Variants in ABCA4 observed in about 807,000 individuals in gnomAD.
ABCA4 encodes ATP binding cassette subfamily A member 4.
In ABCA4, 196 loss-of-function variants were observed where a neutral mutation model predicts 263.7. The ratio of observed to expected loss-of-function variants is 0.74; its 90% confidence interval spans 0.66 to 0.84. The LOEUF is 0.84. ABCA4 is among the 40% of genes least tolerant of loss of function. ABCA4 has a pLI of 0.00. For missense variants in ABCA4, 2,792 were observed against 2,855.1 expected (o/e 0.98, Z 0.50); for synonymous variants, 1,133 against 1,094.2 (o/e 1.04, Z -0.70).
intron 6 of ABCA4, among the ~76,000 whole-genome samples, chr1:94,097,003 G>A (rs1475240988): frequency 6.6e-6 from 1 of 152,224 alleles, no homozygotes; most frequent in African/African-American, 2.4e-5. Flanking sequence ...GGCTGTGCTG[G>A]TATTCAGCTG....
chr1:94,087,575 A>C (rs1661865729), intron 6 of ABCA4, among the ~76,000 whole-genome samples: 1 of 152,144 alleles, frequency 6.6e-6, no homozygotes, highest in African/African-American at 2.4e-5. Flanking sequence ...GAGGCAGCAC[A>C]GGTGTTTGGA....
chr1:94,007,930 G>A lies in ABCA4; in HGVS notation c.5899-190C>T, dbSNP rs574212346. Reference sequence around the variant, plus strand: ...GTCCCAGTTGACACGGGCCCTGAGTGTAAAGATTCAAAGACTTAAAAACAA... The same window carrying A: ...GTCCCAGTTGACACGGGCCCTGAGTATAAAGATTCAAAGACTTAAAAACAA... On this transcript the variant is annotated intron_variant, in intron 42 of 49. Transcript: ENST00000370225. Among the ~76,000 whole-genome samples, 18 of 152,226 alleles carry A rather than the reference G, an allele frequency of 1.2e-4. No individual in the cohort carries two copies. The South Asian group carries it at 3.5e-3, about 30-fold the overall frequency.
At chr1:94,052,478 G>A (rs1197865306) in intron 16 of ABCA4, among the ~76,000 whole-genome samples, 3 of 152,220 alleles carry the variant, frequency 2.0e-5, no homozygotes, top group East Asian at 1.9e-4. Context: ...TATCTCCACC[G>A]CTCTGTTCCC....
At chr1:94,093,485 G>A (rs142282023) in intron 6 of ABCA4, among the ~76,000 whole-genome samples, 50 of 152,280 alleles carry the variant, frequency 3.3e-4, no homozygotes, top group Middle Eastern at 3.4e-3. Context: ...AGAACCTGAC[G>A]CCTCACACAT....
chr1:94,049,018 G>T, intron 17 of ABCA4, 61 bp from the exon 18 acceptor site: 2 of 1,544,880 alleles, frequency 1.3e-6, no homozygotes, highest in Non-Finnish European at 1.8e-6. Context: ...GCAAAGGCAG[G>T]AAAGGAGGGG....
intron 6 of ABCA4, among the ~76,000 whole-genome samples, chr1:94,095,272 G>A (rs956472372): frequency 1.3e-5 from 2 of 151,474 alleles, no homozygotes; most frequent in African/African-American, 2.4e-5. Flanking sequence ...GTCTCAGTCG[G>A]TGCTAACCCC....
At position 94,021,312 on chromosome 1, in the gene ABCA4, G is replaced by C. The variant is rs1335975904; in HGVS notation, c.4946C>G (p.Pro1649Arg). The C allele has an allele frequency of 6.2e-7, 1 of 1,614,202 alleles. No homozygotes were observed. The highest frequency in any genetic ancestry group is 2.2e-5 in the East Asian group (1 of 44,886). The change falls in exon 35 of 50, where the codon CCC becomes CGC. Residue 1649 changes from proline (P) to arginine (R), a missense_variant. Transcript: ENST00000370225. Reference protein sequence around the residue: ...LRASLPKDRSPEEYGITVISQ... With the variant: ...LRASLPKDRSREEYGITVISQ... ...AATGACGGTGATTCCATACTCCTCGGGGCTCCTGTCCTTAGGCAGGCTGGC... is the reference window on the plus strand; with the variant it reads ...AATGACGGTGATTCCATACTCCTCGCGGCTCCTGTCCTTAGGCAGGCTGGC...
chr1:94,081,838 A>G (rs1390820710), intron 7 of ABCA4, among the ~76,000 whole-genome samples: 1 of 152,250 alleles, frequency 6.6e-6, no homozygotes, highest in African/African-American at 2.4e-5. Flanking sequence ...AGCTGCCAGT[A>G]GCTTGGCTCC....
rs1429067463 is a variant in ABCA4 at position 94,040,067 on chromosome 1, G to A, written c.3583C>T (p.Leu1195=). The A allele has an allele frequency of 6.2e-7, 1 of 1,608,544 alleles. No individual in the cohort carries two copies. The highest frequency in any genetic ancestry group is 1.7e-5 in the Admixed American group (1 of 59,522). ...CCATCCAGGACTTGTTCTGGAGTTA[G>A]GTCATCGACGTGGGCTGGACACGTG... ...STTCPAHVDD[L]TPEQVLDGDV... Residue 1195 remains leucine (L), a synonymous_variant, in exon 24 of 50, where the codon CTA becomes TTA. Coordinates refer to ENST00000370225, the MANE Select transcript of ABCA4 (RefSeq NM_000350.3).
intron 6 of ABCA4, among the ~76,000 whole-genome samples, chr1:94,097,813 A>C (rs954572421): frequency 6.6e-6 from 1 of 152,114 alleles, no homozygotes; most frequent in African/African-American, 2.4e-5. Flanking sequence ...GCAGTGGCGC[A>C]ATCTCGGCTC....
chr1:94,019,498 C>G (rs1659832496), intron 36 of ABCA4, 84 bp downstream of exon 36: 11 of 1,459,866 alleles, frequency 7.5e-6, no homozygotes, highest in Non-Finnish European at 9.3e-6. Flanking sequence ...GAACCCCTCC[C>G]CTCTTGGTCT....
intron 24 of ABCA4, 27 bp downstream of exon 24, chr1:94,040,016 C>T: frequency 6.4e-7 from 1 of 1,573,588 alleles, no homozygotes; most frequent in Non-Finnish European, 8.7e-7. Context: ...CCAGACGGAA[C>T]CCAAGTATGG....
intron 43 of ABCA4, 30 bp from the exon 44 acceptor site, chr1:94,005,612 C>T: frequency 6.2e-7 from 1 of 1,610,678 alleles, no homozygotes; most frequent in African/African-American, 1.3e-5. Context: ...TACTGAGTAT[C>T]CTTCAAGGAG....
chr1:94,062,676 T>C lies in ABCA4; in HGVS notation c.1838A>G (p.Asp613Gly). Residue 613 changes from aspartate (D) to glycine (G), a missense_variant, in exon 13 of 50, where the codon GAC becomes GGC. Coordinates refer to ENST00000370225, the MANE Select transcript of ABCA4 (RefSeq NM_000350.3). ...YIWGGFAYLQDMVEQGITRSQ... is the reference protein window; with the variant it reads ...YIWGGFAYLQGMVEQGITRSQ... ...CCTTGTGATCCCCTGTTCAACCATG[T>C]CCTGCAGATAGGCAAACCCGCCCCA... 1 of 1,614,130 alleles carries C rather than the reference T, an allele frequency of 6.2e-7. No homozygotes were observed. The highest frequency in any genetic ancestry group is 8.5e-7 in the Non-Finnish European group (1 of 1,180,034).
intron 4 of ABCA4, among the ~76,000 whole-genome samples, chr1:94,106,200 T>A (rs1286060996): frequency 6.6e-6 from 1 of 152,238 alleles, no homozygotes; most frequent in Non-Finnish European, 1.5e-5. Flanking sequence ...TGTTAGGGAC[T>A]TCTCACAGCC....
intron 17 of ABCA4, among the ~76,000 whole-genome samples, chr1:94,051,168 C>T (rs1660830455): frequency 6.6e-6 from 1 of 152,222 alleles, no homozygotes; most frequent in South Asian, 2.1e-4. Flanking sequence ...ACAGCTCTGC[C>T]TCAGCCCCAG....
Position 94,027,143 on chromosome 1 carries a change from C to G in ABCA4, c.4540-2095G>C, listed in dbSNP as rs79767440. Among the ~76,000 whole-genome samples, 2,306 of 152,166 alleles carry G rather than the reference C, an allele frequency of 0.015. 65 individuals are homozygous for G. The highest frequency in any genetic ancestry group is 0.052 in the African/African-American group (2,154 of 41,512). ...CATATGCGTGGCATTCAGTTTTGCT[C>G]CAATGGAAGGCACGTATAATAGTGA... On this transcript the variant is annotated intron_variant, in intron 30 of 49. Coordinates refer to ENST00000370225, the MANE Select transcript of ABCA4 (RefSeq NM_000350.3).
intron 17 of ABCA4, 41 bp from the exon 18 acceptor site, chr1:94,048,998 C>T (rs1189623212): frequency 1.2e-6 from 2 of 1,605,034 alleles, no homozygotes; most frequent in Admixed American, 3.3e-5. Context: ...CCACCGGGAG[C>T]TGAGAACGAG....
chr1:94,116,490 G>C (rs1317699676), intron 1 of ABCA4, among the ~76,000 whole-genome samples: 1 of 152,076 alleles, frequency 6.6e-6, no homozygotes, highest in Non-Finnish European at 1.5e-5. Flanking sequence ...ATGGTTGGTT[G>C]GTAATCTTTG....
Sources: allele counts gnomAD v4.1 joint callset (sites outside exome capture counted in the v4.1 genomes callset), GRCh38; gene constraint gnomAD v4.1.1; transcripts MANE v1.5; gene names NCBI Gene and HGNC (gene_info 2026-07-23, HGNC 2026-07-21).